FMN2: variants seen among roughly 807,000 people sequenced by gnomAD.
The protein encoded by FMN2 is formin 2, also known as formin-2.
FMN2 carries 51 observed loss-of-function variants against 142.3 expected under a neutral mutation model. The observed-to-expected ratio is 0.36, with a 90% CI of 0.29 to 0.45. The LOEUF (loss-of-function observed/expected upper bound fraction) is 0.45. FMN2 is among the 20% of genes least tolerant of loss of function. The pLI is 1.00. For missense variants in FMN2, 1,936 were observed against 2,122.8 expected (o/e 0.91, Z 1.73); for synonymous variants, 882 against 869.8 (o/e 1.01, Z -0.25).
At chr1:240,209,181 T>C (rs750294276) in intron 5 of FMN2, among the ~76,000 whole-genome samples, 1 of 152,192 alleles carries the variant, frequency 6.6e-6, no homozygotes, top group Non-Finnish European at 1.5e-5. Context: ...ATCTACTCTT[T>C]GCTTTTACTA....
intron 4 of FMN2, among the ~76,000 whole-genome samples, chr1:240,197,510 C>A (rs1572049048): frequency 6.6e-6 from 1 of 152,176 alleles, no homozygotes; most frequent in African/African-American, 2.4e-5. Flanking sequence ...GTTTTGAGGA[C>A]TGAGCCCTCA....
At chr1:240,295,458 C>T (rs574337871) in intron 8 of FMN2, among the ~76,000 whole-genome samples, 1 of 152,126 alleles carries the variant, frequency 6.6e-6, no homozygotes, top group East Asian at 1.9e-4. Flanking sequence ...TACCTCCCAC[C>T]CCTGGGCAAC....
At chr1:240,396,174 A>G (rs565712545) in intron 15 of FMN2, among the ~76,000 whole-genome samples, 1 of 152,336 alleles carries the variant, frequency 6.6e-6, no homozygotes, top group South Asian at 2.1e-4. Flanking sequence ...TACTTAATAG[A>G]CTATAGTATA....
chr1:240,230,894 C>T lies in FMN2; in HGVS notation c.4065+19659C>T, dbSNP rs1324281006. ...TAGAATCTGAGTTGAAATCCACTTG[C>T]AGCTGAGTGCTTTTTAAATGATCAG... On this transcript the variant is annotated intron_variant, in intron 6 of 17. Transcript: ENST00000319653. Among the ~76,000 whole-genome samples, 4 of 131,938 alleles carry T rather than the reference C, an allele frequency of 3.0e-5. 1 individual carries two copies. Among genetic ancestry groups the T allele is most frequent in the Non-Finnish European group, 4.8e-5 (3 of 62,992 alleles). 86.6% of individuals were successfully genotyped at this position (131,938 alleles called of 152,430 possible).
rs1185914353 is a variant in FMN2, at chr1:240,427,887, C to T, written c.4911-10174C>T. Reference sequence around the variant, plus strand: ...TGTCCATTTTTGTGATGTCACCAGCCTTTGGGAATCAGTGTCTATATGTTT... The same window carrying T: ...TGTCCATTTTTGTGATGTCACCAGCTTTTGGGAATCAGTGTCTATATGTTT... On this transcript the variant is annotated intron_variant, in intron 15 of 17. Coordinates refer to ENST00000319653, the MANE Select transcript of FMN2 (RefSeq NM_020066.5). Among the ~76,000 whole-genome samples, 82 of 152,296 alleles carry T rather than the reference C, an allele frequency of 5.4e-4. 1 individual carries two copies. In the South Asian group the frequency reaches 0.015, roughly 28 times the overall value.
intron 2 of FMN2, among the ~76,000 whole-genome samples, chr1:240,162,262 G>A (rs1558329983): frequency 1.3e-5 from 2 of 152,054 alleles, no homozygotes; most frequent in African/African-American, 2.4e-5. Context: ...TCAGGAGTTC[G>A]AGACCAGCCT....
At position 240,338,607 on chromosome 1, in the gene FMN2, C is replaced by A. The variant is rs75918409; in HGVS notation, c.4765+4378C>A. Among the ~76,000 whole-genome samples, 781 of 152,170 alleles carry A rather than the reference C, an allele frequency of 5.1e-3. 5 individuals carry two copies. Among genetic ancestry groups the A allele is most frequent in the African/African-American group, 0.018 (750 of 41,516 alleles). On this transcript the variant is annotated intron_variant, in intron 13 of 17. Transcript: ENST00000319653. ...TCCTGCCGTCTACCTTCATCCCTTC[C>A]GGCACGTGGATCCTCACTTAGTTCA... is the stretch of plus-strand genomic sequence containing the variant.
At chr1:240,327,483 C>T (rs576445368) in intron 8 of FMN2, among the ~76,000 whole-genome samples, 4 of 152,128 alleles carry the variant, frequency 2.6e-5, no homozygotes, top group Admixed American at 6.5e-5. Flanking sequence ...CTGAGCTGCT[C>T]GTCTATTTAA....
At chr1:240,261,557 T>C (rs10926185) in intron 7 of FMN2, among the ~76,000 whole-genome samples, 41,420 of 152,054 alleles carry the variant, frequency 0.27, 5,807 homozygotes, top group Middle Eastern at 0.35. Flanking sequence ...GAGTAATTAG[T>C]GTGTAAGGTT....
intron 16 of FMN2, among the ~76,000 whole-genome samples, chr1:240,459,722 A>T (rs1676380692): frequency 2.1e-4 from 3 of 14,112 alleles, no homozygotes; most frequent in Non-Finnish European, 3.1e-4. Context: ...GTCTCTAAAA[A>T]AAAAAAAAAA....
At chr1:240,259,181 C>T (rs1668543681) in intron 7 of FMN2, among the ~76,000 whole-genome samples, 1 of 152,196 alleles carries the variant, frequency 6.6e-6, no homozygotes, top group Admixed American at 6.5e-5. Flanking sequence ...GTTTCTAAAG[C>T]TGGCAGATGT....
chr1:240,400,237 G>A (rs1249886187), intron 15 of FMN2, among the ~76,000 whole-genome samples: 2 of 152,118 alleles, frequency 1.3e-5, no homozygotes, highest in African/African-American at 4.8e-5. Flanking sequence ...ATGAGCATCA[G>A]ATCAGGAGGT....
rs115685994 is a variant in FMN2 at position 240,256,493 on chromosome 1, C to G, written c.4066-1452C>G. 3.6e-3 allele frequency among the ~76,000 whole-genome samples: 537 copies of G among 150,942 alleles called. 9 individuals carry two copies. The highest frequency in any genetic ancestry group is 0.012 in the African/African-American group (507 of 41,152). On this transcript the variant is annotated intron_variant, in intron 6 of 17. Transcript: ENST00000319653. ...GTGGTTTATGCCTGTTATTTCAACA[C>G]TTTGGGAGGCCGAGGTGGGTGGATC... is the stretch of plus-strand genomic sequence containing the variant.
intron 1 of FMN2, among the ~76,000 whole-genome samples, chr1:240,116,290 T>C (rs552120294): frequency 6.6e-6 from 1 of 152,292 alleles, no homozygotes; most frequent in East Asian, 1.9e-4. Context: ...GGGCCCCTTC[T>C]TCCATACTCT....
In FMN2 at chr1:240,386,735, A is replaced by G. The variant is rs531220380; in HGVS notation, c.4859-5776A>G. 3.3e-5 allele frequency among the ~76,000 whole-genome samples: 5 copies of G among 152,332 alleles called. No individual in the cohort carries two copies. In the South Asian group the frequency reaches 1.0e-3, roughly 32 times the overall value. ...GTTGGAGAAGATATCACCAAATGCAAAAATGCTGTAACAGAACCATTAAAT... is the reference window on the plus strand; with the variant it reads ...GTTGGAGAAGATATCACCAAATGCAGAAATGCTGTAACAGAACCATTAAAT... On this transcript the variant is annotated intron_variant, in intron 14 of 17. Coordinates refer to ENST00000319653, the MANE Select transcript of FMN2 (RefSeq NM_020066.5).
At chr1:240,463,923 A>C (rs1197567046) in intron 16 of FMN2, among the ~76,000 whole-genome samples, 1 of 152,154 alleles carries the variant, frequency 6.6e-6, no homozygotes, top group Non-Finnish European at 1.5e-5. Flanking sequence ...GAATCATTTG[A>C]ACCTACGAGG....
chr1:240,315,416 G>A (rs1356320557), intron 8 of FMN2, among the ~76,000 whole-genome samples: 1 of 152,036 alleles, frequency 6.6e-6, no homozygotes, highest in East Asian at 1.9e-4. Flanking sequence ...AATTTAACTG[G>A]GCAATAAATT....
intron 7 of FMN2, among the ~76,000 whole-genome samples, chr1:240,291,057 G>A (rs1198289927): frequency 3.3e-5 from 5 of 151,958 alleles, no homozygotes; most frequent in African/African-American, 9.7e-5. Flanking sequence ...CAGGTGATCC[G>A]CCTGCCTTGG....
chr1:240,301,957 TC>T (rs1220138985), intron 8 of FMN2, among the ~76,000 whole-genome samples: 2 of 152,044 alleles, frequency 1.3e-5, no homozygotes, highest in African/African-American at 4.8e-5. Flanking sequence ...TCTTTTGTAC[TC>T]TGTTCTCCCA....
Sources: gnomAD v4.1 joint callset for allele counts (sites outside exome capture counted in the v4.1 genomes callset) on GRCh38, gnomAD v4.1.1 for gene constraint, MANE v1.5 for transcripts, NCBI Gene and HGNC (gene_info 2026-07-23, HGNC 2026-07-21) for gene names.